The following ANKRD24 variants were observed in gnomAD, a reference collection of about 807,000 sequenced individuals.
The protein encoded by ANKRD24 is ankyrin repeat domain-containing protein 24.
A neutral mutation model predicts 127.8 loss-of-function variants in ANKRD24; 109 were observed. The observed-to-expected ratio is 0.85, with a 90% CI of 0.73 to 1.00. The LOEUF is 1.00. Among genes scored for constraint, ANKRD24 ranks in the 50% least tolerant of loss-of-function variants. ANKRD24 has a pLI of 0.00. For synonymous variants in ANKRD24, 743 were observed against 671.1 expected (o/e 1.11, Z -1.66); for missense variants, 1,648 against 1,570.2 (o/e 1.05, Z -0.84).
At chr19:4,212,251 C>T (rs186457655) in intron 13 of ANKRD24, among the ~76,000 whole-genome samples, 1 of 152,204 alleles carries the variant, frequency 6.6e-6, no homozygotes, top group East Asian at 1.9e-4. Flanking sequence ...GCTCAACATA[C>T]AGCAGGTGCT....
Position 4,216,835 on chromosome 19 carries a change from G to C in ANKRD24, c.1675G>C (p.Ala559Pro), listed in dbSNP as rs1038491354. ...GGCTCCAGAAACCAAAGTTAACGGA[G>C]CCGAGACCATAGATGAGGAGGCTGC... is the stretch of plus-strand genomic sequence containing the variant. ...SVAPETKVNG[A>P]ETIDEEAAGD... Residue 559 changes from alanine to proline, a missense_variant, in exon 18 of 22, where the codon GCC (alanine) becomes CCC (proline). Physicochemically the swap from Ala to Pro is conservative, Grantham distance 27. Transcript: ENST00000318934. The C allele has an allele frequency of 6.2e-7, 1 of 1,610,154 alleles. No homozygotes were observed. The highest frequency in any genetic ancestry group is 8.5e-7 in the Non-Finnish European group (1 of 1,178,402).
chr19:4,207,326 A>T lies in ANKRD24; in HGVS notation c.537+14A>T, dbSNP rs772469589. 1.2e-6 allele frequency: 2 copies of T among 1,612,216 alleles called. No homozygotes were observed. Among genetic ancestry groups the T allele is most frequent in the Non-Finnish European group, 1.7e-6 (2 of 1,178,354 alleles). ...CCCCAAGATCGGGTAAGCTTCTGGGATCTCTTCAGGGAAGATGTTATGCTT... is the reference window on the plus strand; with the variant it reads ...CCCCAAGATCGGGTAAGCTTCTGGGTTCTCTTCAGGGAAGATGTTATGCTT... On this transcript the variant is annotated intron_variant, in intron 8 of 21. Coordinates refer to ENST00000318934, the MANE Select transcript of ANKRD24 (RefSeq NM_001393985.1).
At chr19:4,190,539 A>G (rs958564319) in intron 2 of ANKRD24, among the ~76,000 whole-genome samples, 2 of 152,106 alleles carry the variant, frequency 1.3e-5, no homozygotes, top group Non-Finnish European at 2.9e-5. Flanking sequence ...AGCCTGGCCA[A>G]CATGGTGAAA....
chr19:4,189,723 A>G (rs570634073), intron 2 of ANKRD24, among the ~76,000 whole-genome samples: 38 of 152,278 alleles, frequency 2.5e-4, no homozygotes, highest in African/African-American at 7.9e-4. Context: ...ACTATAAAAA[A>G]TATAAGATGT....
chr19:4,210,138 G>A lies in ANKRD24; in HGVS notation c.951G>A (p.Pro317=), dbSNP rs201462172. 4,133 of 1,606,198 alleles carry A rather than the reference G, an allele frequency of 2.6e-3. 9 individuals are homozygous for A. Among genetic ancestry groups the A allele is most frequent in the Non-Finnish European group, 3.1e-3 (3,614 of 1,176,716 alleles). The change falls in exon 12 of 22, where the codon CCG becomes CCA. Residue 317 remains proline, a splice_region_variant and synonymous_variant. Coordinates refer to ENST00000318934, the MANE Select transcript of ANKRD24 (RefSeq NM_001393985.1). ...CACCTCCCGCCAGCATTCCCATGCC[G>A]GTGAGAGATGCTCTGGGCACGGGAG... The part of the protein sequence containing the change: ...APPPPASIPM[P]DDRDAYEEIV...
intron 2 of ANKRD24, among the ~76,000 whole-genome samples, chr19:4,197,939 G>A (rs1010766859): frequency 1.8e-4 from 27 of 152,210 alleles, no homozygotes; most frequent in Admixed American, 3.9e-4. Context: ...GTGAGTGAAC[G>A]AATGAATGAA....
intron 15 of ANKRD24, among the ~76,000 whole-genome samples, chr19:4,214,470 G>A (rs8110516): frequency 0.48 from 73,326 of 151,928 alleles, 18,542 homozygotes; most frequent in Non-Finnish European, 0.57. Context: ...ACACAATTAT[G>A]CAAACATGTA....
At chr19:4,191,374 C>A (rs1341051827) in intron 2 of ANKRD24, among the ~76,000 whole-genome samples, 1 of 152,222 alleles carries the variant, frequency 6.6e-6, no homozygotes, top group Non-Finnish European at 1.5e-5. Context: ...ACTGCTACCC[C>A]TCTCCTCCTC....
Position 4,195,218 on chromosome 19 carries a change from G to T in ANKRD24, c.37-4465G>T, listed in dbSNP as rs536579331. 1.3e-5 allele frequency among the ~76,000 whole-genome samples: 2 copies of T among 151,948 alleles called. No homozygotes were observed. The highest frequency in any genetic ancestry group is 6.6e-5 in the Admixed American group (1 of 15,220). ...CTCCCGAGTAGCTGGGACTACAGGCGCCCACCACCACGCCCGGCTAATTTT... is the reference window on the plus strand; with the variant it reads ...CTCCCGAGTAGCTGGGACTACAGGCTCCCACCACCACGCCCGGCTAATTTT... On this transcript the variant is annotated intron_variant, in intron 2 of 21. Coordinates refer to ENST00000318934, the MANE Select transcript of ANKRD24 (RefSeq NM_001393985.1). This position sits in a 1 kb window ranked among gnomAD's most constrained non-coding sequence, Gnocchi z 4.2.
At position 4,195,395 on chromosome 19, in the gene ANKRD24, C is replaced by T. The variant is rs563452109; in HGVS notation, c.37-4288C>T. On this transcript the variant is annotated intron_variant, in intron 2 of 21. Transcript: ENST00000318934. The surrounding 1 kb of genome is among the most constrained non-coding windows in gnomAD (Gnocchi z 4.2). ...GGCCATTTGCTCTGATCTTGTATGG[C>T]ATCCAGGAGGACAAGTGTAGGAGAC... 1.8e-4 allele frequency among the ~76,000 whole-genome samples: 27 copies of T among 152,126 alleles called. No individual in the cohort carries two copies. The highest frequency in any genetic ancestry group is 5.1e-4 in the African/African-American group (21 of 41,516).
intron 19 of ANKRD24, 88 bp downstream of exon 19, chr19:4,219,846 C>A: frequency 1.4e-6 from 2 of 1,390,184 alleles, no homozygotes; most frequent in Non-Finnish European, 1.9e-6. Flanking sequence ...ACTGCAAGGG[C>A]CTTGGAAAAT....
intron 2 of ANKRD24, among the ~76,000 whole-genome samples, chr19:4,189,623 A>T (rs2192244): frequency 2.0e-5 from 3 of 151,534 alleles, no homozygotes; most frequent in Non-Finnish European, 4.4e-5. Context: ...TGGGCTCAAG[A>T]GATCCTCCCG....
Position 4,198,121 on chromosome 19 carries a change from G to T in ANKRD24, c.37-1562G>T. 1 of 491,872 alleles carries T rather than the reference G, an allele frequency of 2.0e-6. No individual in the cohort carries two copies. Among genetic ancestry groups the T allele is most frequent in the Admixed American group, 4.2e-5 (1 of 23,642 alleles). 30.5% of individuals were successfully genotyped at this position (491,872 alleles called of 1,614,324 possible). ...CGACTCGGAGGAGGTGGAGATGGACGCCCGCGGGTCCCCTGGAGATGCAGC... is the reference window on the plus strand; with the variant it reads ...CGACTCGGAGGAGGTGGAGATGGACTCCCGCGGGTCCCCTGGAGATGCAGC... On this transcript the variant is annotated intron_variant, in intron 2 of 21. Coordinates refer to ENST00000318934, the MANE Select transcript of ANKRD24 (RefSeq NM_001393985.1). This position sits in a 1 kb window ranked among gnomAD's most constrained non-coding sequence, Gnocchi z 6.1.
At chr19:4,202,157 G>C in intron 6 of ANKRD24, 67 bp downstream of exon 6, 1 of 1,417,572 alleles carries the variant, frequency 7.1e-7, no homozygotes, top group South Asian at 1.1e-5. Context: ...GCAATTCCTT[G>C]AACCCCCAGA....
intron 2 of ANKRD24, among the ~76,000 whole-genome samples, chr19:4,189,578 G>A (rs1258588414): frequency 6.6e-6 from 1 of 151,368 alleles, no homozygotes; most frequent in Admixed American, 6.6e-5. Context: ...AAGAGATGGG[G>A]TCTCACTATG....
rs2145276884 is a variant in ANKRD24, at chr19:4,199,245, G to T, written c.37-438G>T. The stretch of plus-strand genomic sequence containing the variant: ...GGCTTTCACTAAGGGATGAATTGGG[G>T]GACAACTTTTTTTATTGTACAGAGT... On this transcript the variant is annotated intron_variant, in intron 2 of 21. Coordinates refer to ENST00000318934, the MANE Select transcript of ANKRD24 (RefSeq NM_001393985.1). This position sits in a 1 kb window ranked among gnomAD's most constrained non-coding sequence, Gnocchi z 5.2. 6.6e-6 allele frequency among the ~76,000 whole-genome samples: 1 copy of T among 152,148 alleles called. No individual in the cohort carries two copies.
chr19:4,186,320 C>T (rs1227108273), intron 1 of ANKRD24, 70 bp from the exon 2 acceptor site: 20 of 1,535,188 alleles, frequency 1.3e-5, no homozygotes, highest in South Asian at 4.9e-5. Flanking sequence ...TTGAGGAGGG[C>T]GAGGCAACGG....
At chr19:4,183,110 C>T (rs924519912) in intron 1 of ANKRD24, among the ~76,000 whole-genome samples, 3 of 152,142 alleles carry the variant, frequency 2.0e-5, no homozygotes, top group Non-Finnish European at 2.9e-5. Context: ...TCCCTAGTAG[C>T]TGGGATTACA....
intron 19 of ANKRD24, among the ~76,000 whole-genome samples, chr19:4,221,780 CT>C (rs1293362092): frequency 3.9e-5 from 6 of 152,296 alleles, no homozygotes; most frequent in Admixed American, 6.5e-5. Context: ...GATGGTTTAT[CT>C]GTAGCCTGGT....
Sources: gnomAD v4.1 joint callset for allele counts (sites outside exome capture counted in the v4.1 genomes callset) on GRCh38, gnomAD v4.1.1 for gene constraint, Gnocchi (gnomAD v3.1) non-coding constraint, MANE v1.5 for transcripts, NCBI Gene and HGNC (gene_info 2026-07-23, HGNC 2026-07-21) for gene names.